SHANK2: variants seen among roughly 807,000 people sequenced by gnomAD.
The protein encoded by SHANK2 is SH3 and multiple ankyrin repeat domains protein 2.
A neutral mutation model predicts 133.7 loss-of-function variants in SHANK2; 43 were observed. That is an observed-to-expected ratio of 0.32 (90% CI 0.25 to 0.41). The LOEUF (loss-of-function observed/expected upper bound fraction) is 0.41. SHANK2 is among the 10% of genes least tolerant of loss of function. The pLI is 1.00. For synonymous variants in SHANK2, 1,017 were observed against 952.8 expected (o/e 1.07, Z -1.24); for missense variants, 1,994 against 2,235.8 (o/e 0.89, Z 2.18).
At chr11:71,177,895 C>A (rs1257893058) in intron 2 of SHANK2, among the ~76,000 whole-genome samples, 6 of 152,030 alleles carry the variant, frequency 3.9e-5, no homozygotes, top group African/African-American at 1.4e-4. Flanking sequence ...ACTAAGAGGG[C>A]AATAACAATA....
chr11:71,172,608 AAAAAGAAAAAAAG>A (rs1953340289), intron 2 of SHANK2, among the ~76,000 whole-genome samples: 1 of 151,294 alleles, frequency 6.6e-6, no homozygotes, highest in East Asian at 1.9e-4. Context: ...AAAAAAAAAA[AAAAAGAAAAAAAG>A]AAAAAAGAAA....
chr11:70,847,569 C>T (rs1439762022), intron 11 of SHANK2, among the ~76,000 whole-genome samples: 30 of 152,232 alleles, frequency 2.0e-4, no homozygotes, highest in African/African-American at 6.0e-4. Flanking sequence ...TGCTCTGGAA[C>T]GGGGGACCAG....
At chr11:70,907,860 C>T (rs551535152) in intron 10 of SHANK2, 168 of 453,942 alleles carry the variant, frequency 3.7e-4, no homozygotes, top group Middle Eastern at 9.8e-4. Flanking sequence ...CCAACAATTT[C>T]GGAGGTAGAG....
intron 2 of SHANK2, among the ~76,000 whole-genome samples, chr11:71,221,630 A>G (rs1049499260): frequency 3.9e-5 from 6 of 152,218 alleles, no homozygotes; most frequent in Non-Finnish European, 7.3e-5. Flanking sequence ...TCAACAGTCA[A>G]TGAGAATTGC....
chr11:70,904,986 G>A (rs1422581658), intron 10 of SHANK2, among the ~76,000 whole-genome samples: 3 of 152,092 alleles, frequency 2.0e-5, no homozygotes, highest in Admixed American at 6.6e-5. Flanking sequence ...TGTCTTTATC[G>A]GCAGCGTGAA....
chr11:71,057,653 A>G lies in SHANK2; in HGVS notation c.1030-1095T>C, dbSNP rs1590873170. ...CAACCTTCATCTCTTGGGCTCAGGCAATTCTCCCCACCTCAGCCTCCTGAG... is the reference window on the plus strand; with the variant it reads ...CAACCTTCATCTCTTGGGCTCAGGCGATTCTCCCCACCTCAGCCTCCTGAG... On this transcript the variant is annotated intron_variant, in intron 9 of 25. Coordinates refer to ENST00000601538, the MANE Select transcript of SHANK2 (RefSeq NM_012309.5). 2.0e-5 allele frequency among the ~76,000 whole-genome samples: 3 copies of G among 152,004 alleles called. No individual in the cohort carries two copies. The South Asian group carries it at 6.2e-4, about 32-fold the overall frequency.
At chr11:70,831,320 G>C (rs910891444) in intron 11 of SHANK2, among the ~76,000 whole-genome samples, 4 of 152,298 alleles carry the variant, frequency 2.6e-5, no homozygotes, top group African/African-American at 9.6e-5. Flanking sequence ...CAGGAGGAAA[G>C]AGGAGAGGGA....
chr11:70,890,973 A>G (rs1326028136), intron 11 of SHANK2, among the ~76,000 whole-genome samples: 2 of 151,998 alleles, frequency 1.3e-5, no homozygotes, highest in African/African-American at 4.8e-5. Context: ...CTCAAAAAAA[A>G]AAAAAAGAGT....
intron 2 of SHANK2, among the ~76,000 whole-genome samples, chr11:71,206,364 G>A (rs183470886): frequency 3.3e-5 from 5 of 152,276 alleles, no homozygotes; most frequent in Admixed American, 3.3e-4. Context: ...GCTGTTGGAA[G>A]CCAACTCTTC....
chr11:71,170,369 G>A (rs1483855650), intron 2 of SHANK2, among the ~76,000 whole-genome samples: 1 of 152,150 alleles, frequency 6.6e-6, no homozygotes, highest in Non-Finnish European at 1.5e-5. Flanking sequence ...AATAATGAAT[G>A]ACATTTATAT....
chr11:70,785,141 T>A (rs1474733693), intron 14 of SHANK2, among the ~76,000 whole-genome samples: 1 of 152,082 alleles, frequency 6.6e-6, no homozygotes, highest in African/African-American at 2.4e-5. Flanking sequence ...CCTGTGAGCC[T>A]CCGGGAGGAC....
At chr11:71,089,476 C>T (rs1425621373) in intron 8 of SHANK2, among the ~76,000 whole-genome samples, 1 of 151,642 alleles carries the variant, frequency 6.6e-6, no homozygotes, top group Non-Finnish European at 1.5e-5. Context: ...TTATGTTCGT[C>T]TTTCTATCTC....
intron 15 of SHANK2, among the ~76,000 whole-genome samples, chr11:70,694,332 T>C (rs1464417289): frequency 6.6e-6 from 1 of 152,132 alleles, no homozygotes; most frequent in Non-Finnish European, 1.5e-5. Context: ...AATGAATTGG[T>C]GTGTTTCAAC....
chr11:70,658,236 CACACACACAG>C (rs57224464), intron 17 of SHANK2, among the ~76,000 whole-genome samples: 7,427 of 84,846 alleles, frequency 0.088, 178 homozygotes, highest in Non-Finnish European at 0.12. Flanking sequence ...CACACACACA[CACACACACAG>C]ACACACACAC....
chr11:71,086,001 T>C (rs1951398338), intron 8 of SHANK2, among the ~76,000 whole-genome samples: 1 of 87,560 alleles, frequency 1.1e-5, no homozygotes. Flanking sequence ...TATTATGTTA[T>C]ATATTATTAT....
intron 12 of SHANK2, among the ~76,000 whole-genome samples, chr11:70,808,491 C>T (rs1461502749): frequency 2.0e-5 from 3 of 149,338 alleles, no homozygotes; most frequent in Admixed American, 6.8e-5. Context: ...TGTGAGACAC[C>T]GCACCTGGCC....
At chr11:71,233,908 G>A (rs540941282) in intron 1 of SHANK2, among the ~76,000 whole-genome samples, 6 of 151,698 alleles carry the variant, frequency 4.0e-5, no homozygotes, top group South Asian at 2.1e-4. Context: ...TTAACTGGGC[G>A]TGGTGGTGCA....
chr11:71,128,947 G>A (rs1952240720), intron 3 of SHANK2, among the ~76,000 whole-genome samples: 1 of 152,164 alleles, frequency 6.6e-6, no homozygotes, highest in Admixed American at 6.5e-5. Flanking sequence ...ACCACGCCCG[G>A]CTAATTTTTG....
chr11:71,080,521 C>G (rs1215712379), intron 8 of SHANK2, among the ~76,000 whole-genome samples: 5 of 152,208 alleles, frequency 3.3e-5, no homozygotes, highest in Non-Finnish European at 7.3e-5. Flanking sequence ...GGGGAGGTCA[C>G]TGCACTGCAG....
Sources: allele counts gnomAD v4.1 joint callset (sites outside exome capture counted in the v4.1 genomes callset), GRCh38; gene constraint gnomAD v4.1.1; transcripts MANE v1.5; gene names NCBI Gene and HGNC (gene_info 2026-07-23, HGNC 2026-07-21).